Variants in RBFOX1 observed in about 807,000 individuals in gnomAD.
The protein encoded by RBFOX1 is RNA binding protein fox-1 homolog 1.
A neutral mutation model predicts 57.7 loss-of-function variants in RBFOX1; 8 were observed. The ratio of observed to expected loss-of-function variants is 0.14; its 90% CI spans 0.08 to 0.25. The LOEUF (loss-of-function observed/expected upper bound fraction) is 0.25, where lower values mean the gene tolerates loss of function less well. Ranked by LOEUF, RBFOX1 falls within the 10% of genes least tolerant of loss-of-function variation. The pLI is 1.00. For synonymous variants in RBFOX1, 326 were observed against 222.4 expected, an observed-to-expected ratio of 1.47 and a Z score of -4.15; for missense variants, 611 against 548.5, an observed-to-expected ratio of 1.11 and a Z score of -1.14.
At chr16:5,802,514 C>G (rs747710393) in intron 3 of RBFOX1, among the ~76,000 whole-genome samples, 3 of 152,162 alleles carry the variant, frequency 2.0e-5, no homozygotes, top group South Asian at 2.1e-4. Flanking sequence ...CCTCTGCCAT[C>G]ACAGACTCTC....
chr16:5,343,216 G>T (rs1042760806), intron 1 of RBFOX1, among the ~76,000 whole-genome samples: 1 of 150,544 alleles, frequency 6.6e-6, no homozygotes, highest in African/African-American at 2.4e-5. Context: ...ATTGTTGCTT[G>T]ATCAAACCAT....
chr16:5,947,549 C>T lies in RBFOX1; in HGVS notation c.351+80214C>T, dbSNP rs566173106. Among the ~76,000 whole-genome samples, 5 of 152,250 alleles carry T rather than the reference C, an allele frequency of 3.3e-5. No homozygotes were observed. Among genetic ancestry groups the T allele is most frequent in the Non-Finnish European group, 5.9e-5 (4 of 68,020 alleles). Reference sequence around the variant, plus strand: ...TGTTGCCTAGGCTGGTGTCAGACTCCTAGCCCCAAGCAATTCTCACATATC... The same window carrying T: ...TGTTGCCTAGGCTGGTGTCAGACTCTTAGCCCCAAGCAATTCTCACATATC... On this transcript the variant is annotated intron_variant, in intron 4 of 19. Coordinates refer to the RBFOX1 transcript ENST00000641259. This position sits in a 1 kb window ranked among gnomAD's most constrained non-coding sequence, Gnocchi z 7.2.
At position 6,566,849 on chromosome 16, in the gene RBFOX1, T is replaced by C. The variant is rs547693771; in HGVS notation, c.-63-87754T>C. Among the ~76,000 whole-genome samples, 7 of 152,344 alleles carry C rather than the reference T, an allele frequency of 4.6e-5. No homozygotes were observed. The South Asian group carries it at 8.3e-4, about 18-fold the overall frequency. On this transcript the variant is annotated intron_variant, in intron 2 of 15. Transcript: ENST00000550418. ...GTAGCAGTCGAGACACTGTTTGATA[T>C]TGAGATGCTAGATTTCATGGACTTT...
chr16:5,393,504 A>G (rs2066469527), intron 1 of RBFOX1, among the ~76,000 whole-genome samples: 1 of 152,114 alleles, frequency 6.6e-6, no homozygotes. Context: ...GTGACCAGGG[A>G]CATCCATTAG....
intron 2 of RBFOX1, among the ~76,000 whole-genome samples, chr16:6,652,324 G>A (rs570746986): frequency 3.3e-5 from 5 of 152,088 alleles, no homozygotes; most frequent in East Asian, 1.9e-4. Context: ...GGTGCATGTC[G>A]GTAGTCCCAG....
intron 3 of RBFOX1, among the ~76,000 whole-genome samples, chr16:6,691,048 A>T (rs548995358): frequency 1.3e-5 from 2 of 152,158 alleles, no homozygotes; most frequent in Non-Finnish European, 2.9e-5. Context: ...TTCATGTTAC[A>T]TCATGTTCCT....
chr16:6,900,233 C>G (rs1443037117), intron 3 of RBFOX1, among the ~76,000 whole-genome samples: 2 of 152,158 alleles, frequency 1.3e-5, no homozygotes, highest in African/African-American at 4.8e-5. Context: ...GCTATTTAAG[C>G]ACGTTCAAAC....
At chr16:6,067,090 C>G (rs2122996) in intron 1 of RBFOX1, among the ~76,000 whole-genome samples, 1 of 151,872 alleles carries the variant, frequency 6.6e-6, no homozygotes, top group Non-Finnish European at 1.5e-5. Flanking sequence ...AAGTCACTGC[C>G]GAGTCCCTCT....
intron 4 of RBFOX1, among the ~76,000 whole-genome samples, chr16:7,243,611 G>A (rs1029130287): frequency 1.3e-5 from 2 of 152,094 alleles, no homozygotes; most frequent in African/African-American, 4.8e-5. Flanking sequence ...GCAGTGGCAT[G>A]ATAATAGCTC....
intron 4 of RBFOX1, among the ~76,000 whole-genome samples, chr16:7,430,722 G>T (rs2098671221): frequency 6.6e-6 from 1 of 152,012 alleles, no homozygotes; most frequent in Non-Finnish European, 1.5e-5. Context: ...GCATGGCATG[G>T]AATAGTACAT....
In RBFOX1 at chr16:5,565,277, G is replaced by GCACGTGCGTGCGTGTGTT. The variant is rs373503214; in HGVS notation, c.259-33622_259-33605dup. On this transcript the variant is annotated intron_variant, in intron 2 of 2. Transcript: ENST00000585867. The stretch of plus-strand genomic sequence containing the variant: ...AACTGGTGTGTGTGTGTGCGTGTGT[G>GCACGTGCGTGCGTGTGTT]CACGTGCGTGCGTGTGTTCATGTGC... Among the ~76,000 whole-genome samples the GCACGTGCGTGCGTGTGTT allele has an allele frequency of 9.6e-3, 1,461 of 152,224 alleles. 19 individuals carry two copies. Among genetic ancestry groups the GCACGTGCGTGCGTGTGTT allele is most frequent in the African/African-American group, 0.033 (1,361 of 41,538 alleles).
At chr16:5,431,904 C>T (rs1275836509) in intron 1 of RBFOX1, among the ~76,000 whole-genome samples, 1 of 152,084 alleles carries the variant, frequency 6.6e-6, no homozygotes, top group East Asian at 1.9e-4. Flanking sequence ...CTGCTGAGGA[C>T]CACAGTTCCA....
At chr16:7,469,907 C>G (rs1346564326) in intron 4 of RBFOX1, among the ~76,000 whole-genome samples, 1 of 152,122 alleles carries the variant, frequency 6.6e-6, no homozygotes, top group Non-Finnish European at 1.5e-5. Flanking sequence ...CGCTAAGTAC[C>G]TCATATAAAT....
At chr16:6,563,495 C>T (rs144891370) in intron 2 of RBFOX1, among the ~76,000 whole-genome samples, 1 of 152,246 alleles carries the variant, frequency 6.6e-6, no homozygotes, top group East Asian at 1.9e-4. Context: ...GAGTCCCTTA[C>T]ATCTACTCTA....
intron 1 of RBFOX1, among the ~76,000 whole-genome samples, chr16:6,205,584 G>A (rs1039862248): frequency 6.6e-6 from 1 of 152,052 alleles, no homozygotes; most frequent in African/African-American, 2.4e-5. Flanking sequence ...AATAGCACCA[G>A]GTACATTTGG....
intron 1 of RBFOX1, among the ~76,000 whole-genome samples, chr16:6,226,871 C>T (rs940384609): frequency 4.0e-5 from 6 of 148,518 alleles, no homozygotes; most frequent in Non-Finnish European, 7.4e-5. Context: ...GCAGTTTGGG[C>T]GGTGAGGCGG....
intron 2 of RBFOX1, among the ~76,000 whole-genome samples, chr16:6,572,474 A>G (rs1187156670): frequency 6.6e-6 from 1 of 152,220 alleles, no homozygotes; most frequent in Non-Finnish European, 1.5e-5. Context: ...GCGTGCATGT[A>G]CAAATATATA....
chr16:6,903,385 C>G (rs904372509), intron 3 of RBFOX1, among the ~76,000 whole-genome samples: 2 of 152,204 alleles, frequency 1.3e-5, no homozygotes, highest in Non-Finnish European at 2.9e-5. Flanking sequence ...CAGATTCTAA[C>G]ATAGAGGCCA....
chr16:6,818,397 A>C (rs535747318), intron 3 of RBFOX1, among the ~76,000 whole-genome samples: 1 of 152,146 alleles, frequency 6.6e-6, no homozygotes, highest in Non-Finnish European at 1.5e-5. Context: ...GAAGAAATGA[A>C]CTTCATCTGA....
Sources: gnomAD v4.1 joint callset for allele counts (sites outside exome capture counted in the v4.1 genomes callset) on GRCh38, gnomAD v4.1.1 for gene constraint, Gnocchi (gnomAD v3.1) non-coding constraint, MANE v1.5 for transcripts, NCBI Gene and HGNC (gene_info 2026-07-23, HGNC 2026-07-21) for gene names.